SGTB: variants seen among roughly 807,000 people sequenced by gnomAD.
The protein encoded by SGTB is small glutamine rich tetratricopeptide repeat co-chaperone beta.
SGTB carries 19 observed loss-of-function variants against 43.9 expected under a neutral mutation model. The ratio of observed to expected loss-of-function variants is 0.43; its 90% CI spans 0.30 to 0.63. The LOEUF is 0.63. Among genes scored for constraint, SGTB ranks in the 30% least tolerant of loss-of-function variants. The pLI, the probability that SGTB is intolerant of heterozygous loss-of-function variation, is 0.12. For synonymous variants in SGTB, 116 were observed against 117.3 expected, an observed-to-expected ratio of 0.99 and a Z score of 0.07; for missense variants, 304 against 358.9, an observed-to-expected ratio of 0.85 and a Z score of 1.24.
At chr5:65,693,023 G>A (rs1017382836) in intron 5 of SGTB, among the ~76,000 whole-genome samples, 1 of 152,060 alleles carries the variant, frequency 6.6e-6, no homozygotes, top group African/African-American at 2.4e-5. Flanking sequence ...TGCCCAACAT[G>A]ATGAAATCCT....
Position 65,708,269 on chromosome 5 carries a change from A to G in SGTB, c.274+220T>C, listed in dbSNP as rs114922201. Among the ~76,000 whole-genome samples, 331 of 152,372 alleles carry G rather than the reference A, an allele frequency of 2.2e-3. 3 individuals carry two copies. The highest frequency in any genetic ancestry group is 7.9e-3 in the African/African-American group (327 of 41,600). ...TTATGTGTTCTGCAACTTTTACAAC[A>G]GATCTGCTTCTCTTGAAGCAAGCCG... On this transcript the variant is annotated intron_variant, in intron 4 of 10. Coordinates refer to ENST00000381007, the MANE Select transcript of SGTB (RefSeq NM_019072.3).
At chr5:65,713,166 T>C in intron 2 of SGTB, 102 bp from the exon 3 acceptor site, 1 of 803,304 alleles carries the variant, frequency 1.2e-6, no homozygotes, top group Non-Finnish European at 2.0e-6. Flanking sequence ...TCAGTATTTA[T>C]GATCACAGAA....
At chr5:65,695,637 T>C (rs552893793) in intron 5 of SGTB, among the ~76,000 whole-genome samples, 3 of 152,312 alleles carry the variant, frequency 2.0e-5, no homozygotes, top group South Asian at 4.1e-4. Flanking sequence ...TTCTTCACCT[T>C]ATTAGAAACA....
At position 65,667,452 on chromosome 5, in the gene SGTB, T is replaced by C. The variant is rs1757060806; in HGVS notation, c.*2794A>G. ...TTGCTTTTTATATCACAGTAATGAC[T>C]TCTATGTGTTAGTAGTAGTACTTCG... On this transcript the variant is annotated 3_prime_UTR_variant, in exon 11 of 11. Transcript: ENST00000381007. 1 of 152,220 alleles carries C rather than the reference T, an allele frequency of 6.6e-6. No individual in the cohort carries two copies. Among genetic ancestry groups the C allele is most frequent in the African/African-American group, 2.4e-5 (1 of 41,466 alleles). 9.4% of individuals were successfully genotyped at this position (152,220 alleles called of 1,614,324 possible).
At chr5:65,678,834 C>T (rs1469044672) in intron 8 of SGTB, among the ~76,000 whole-genome samples, 2 of 152,088 alleles carry the variant, frequency 1.3e-5, no homozygotes, top group African/African-American at 2.4e-5. Flanking sequence ...CATATATATA[C>T]AAAAATCAAC....
At chr5:65,685,242 A>G (rs1757476156) in intron 6 of SGTB, 126 bp downstream of exon 6, 2 of 726,154 alleles carry the variant, frequency 2.8e-6, no homozygotes, top group African/African-American at 3.5e-5. Flanking sequence ...TTCCTCCCTT[A>G]TGTTTTATTT....
intron 4 of SGTB, among the ~76,000 whole-genome samples, chr5:65,705,024 C>A (rs989893969): frequency 6.6e-6 from 1 of 152,178 alleles, no homozygotes; most frequent in African/African-American, 2.4e-5. Flanking sequence ...AGGGCATCTG[C>A]AGATACATCT....
intron 5 of SGTB, among the ~76,000 whole-genome samples, chr5:65,692,274 G>T (rs1212747120): frequency 1.3e-5 from 2 of 152,182 alleles, no homozygotes; most frequent in Non-Finnish European, 2.9e-5. Flanking sequence ...ATCATGAACA[G>T]ATGATAAAAT....
At position 65,672,336 on chromosome 5, in the gene SGTB, A is replaced by G; in HGVS notation, c.682-55T>C. On this transcript the variant is annotated intron_variant, in intron 8 of 10. Coordinates refer to ENST00000381007, the MANE Select transcript of SGTB (RefSeq NM_019072.3). ...AAGGCAGTTAATATGTAGGGATCTT[A>G]GCAAAGATTTTTTTTTTAGAAGAAT... is the stretch of plus-strand genomic sequence containing the variant. 3 of 1,547,972 alleles carry G rather than the reference A, an allele frequency of 1.9e-6. No individual in the cohort carries two copies. In the Admixed American group the frequency reaches 5.6e-5, roughly 29 times the overall value.
At chr5:65,720,600 CA>C (rs1222447582) in intron 2 of SGTB, 107 bp downstream of exon 2, 141 of 1,332,542 alleles carry the variant, frequency 1.1e-4, no homozygotes, top group Middle Eastern at 2.5e-4. Context: ...CTTGAAAGAT[CA>C]AAAAAAATTC....
At chr5:65,698,868 A>C (rs1016201520) in intron 5 of SGTB, among the ~76,000 whole-genome samples, 25 of 152,230 alleles carry the variant, frequency 1.6e-4, no homozygotes, top group African/African-American at 6.0e-4. Flanking sequence ...CATTATTAGA[A>C]AGTCAAAAAA....
chr5:65,705,298 A>T lies in SGTB; in HGVS notation c.275-920T>A, dbSNP rs577388915. 7.9e-5 allele frequency among the ~76,000 whole-genome samples: 12 copies of T among 152,056 alleles called. No individual in the cohort carries two copies. In the South Asian group the frequency reaches 1.2e-3, roughly 16 times the overall value. On this transcript the variant is annotated intron_variant, in intron 4 of 10. Transcript: ENST00000381007. ...CCTCATCTCAACAAAAAGAATAATT[A>T]AAAAAATTAGCCAGGCGCAGTGGTA...
intron 4 of SGTB, among the ~76,000 whole-genome samples, chr5:65,705,999 G>A (rs1476891353): frequency 2.0e-5 from 3 of 151,894 alleles, no homozygotes; most frequent in Non-Finnish European, 4.4e-5. Flanking sequence ...TGTTGCCACT[G>A]CAATCCACCC....
chr5:65,670,890 AAAC>A (rs1353495444), intron 10 of SGTB, among the ~76,000 whole-genome samples: 1 of 152,254 alleles, frequency 6.6e-6, no homozygotes, highest in African/African-American at 2.4e-5. Flanking sequence ...TTGTGCTGAC[AAAC>A]AACAAGTGGT....
intron 4 of SGTB, 96 bp downstream of exon 4, chr5:65,708,393 T>C: frequency 9.7e-7 from 1 of 1,028,366 alleles, no homozygotes; most frequent in Non-Finnish European, 1.4e-6. Context: ...GACAATCTAG[T>C]CTTGGTGGTG....
intron 5 of SGTB, among the ~76,000 whole-genome samples, chr5:65,702,035 A>G (rs549804714): frequency 6.6e-6 from 1 of 152,316 alleles, no homozygotes; most frequent in South Asian, 2.1e-4. Context: ...GTGGCAACTG[A>G]GTTGGACAGT....
chr5:65,722,885 T>C (rs1000777208), upstream of SGTB: 1 of 154,780 alleles, frequency 6.5e-6, no homozygotes, highest in Non-Finnish European at 1.4e-5. Flanking sequence ...CTTGTTTCCG[T>C]CCATGCTCTC....
At chr5:65,698,789 A>T (rs555893944) in intron 5 of SGTB, among the ~76,000 whole-genome samples, 2 of 152,338 alleles carry the variant, frequency 1.3e-5, no homozygotes, top group African/African-American at 4.8e-5. Flanking sequence ...AATGCTCAAC[A>T]TCACTAATTT....
chr5:65,715,242 T>C (rs1476017540), intron 2 of SGTB, among the ~76,000 whole-genome samples: 1 of 152,216 alleles, frequency 6.6e-6, no homozygotes, highest in African/African-American at 2.4e-5. Context: ...ATGAAAATAA[T>C]AGACATTCAG....
Sources: gnomAD v4.1 joint callset for allele counts (sites outside exome capture counted in the v4.1 genomes callset) on GRCh38, gnomAD v4.1.1 for gene constraint, MANE v1.5 for transcripts, NCBI Gene and HGNC (gene_info 2026-07-23, HGNC 2026-07-21) for gene names.